Variants in SMYD3 observed in about 807,000 individuals in gnomAD.
The protein encoded by SMYD3 is histone-lysine N-methyltransferase SMYD3.
SMYD3 carries 36 observed loss-of-function variants against 57.7 expected under a neutral mutation model. That is an observed-to-expected ratio of 0.62 (90% CI 0.48 to 0.82). The LOEUF (loss-of-function observed/expected upper bound fraction) is 0.82. Ranked by LOEUF, SMYD3 falls within the 40% of genes least tolerant of loss-of-function variation. The probability of loss-of-function intolerance (pLI) is 0.00; values close to 1 mark genes in which losing one functional copy is unlikely to be tolerated. For missense variants in SMYD3, 515 were observed against 538.8 expected (o/e 0.96, Z 0.44); for synonymous variants, 211 against 195.0 (o/e 1.08, Z -0.68).
intron 5 of SMYD3, among the ~76,000 whole-genome samples, chr1:246,296,780 AT>A (rs1355523806): frequency 2.0e-5 from 3 of 152,230 alleles, no homozygotes; most frequent in Admixed American, 2.0e-4. Flanking sequence ...TTAATACAAT[AT>A]GATATTCCTA....
At chr1:246,232,278 T>C (rs993009712) in intron 5 of SMYD3, among the ~76,000 whole-genome samples, 1 of 152,200 alleles carries the variant, frequency 6.6e-6, no homozygotes, top group African/African-American at 2.4e-5. Context: ...CACTACATAA[T>C]ACTGTAACCA....
At chr1:246,206,897 A>C (rs2063009057) in intron 5 of SMYD3, among the ~76,000 whole-genome samples, 2 of 152,222 alleles carry the variant, frequency 1.3e-5, no homozygotes. Flanking sequence ...AAAAAGCTAA[A>C]TTCACAGAAA....
chr1:246,314,209 G>C (rs983264348), intron 5 of SMYD3, among the ~76,000 whole-genome samples: 1 of 152,154 alleles, frequency 6.6e-6, no homozygotes, highest in African/African-American at 2.4e-5. Flanking sequence ...GTTTTGCCTA[G>C]AGCAATACTT....
At chr1:246,026,144 C>T (rs35547829) in intron 5 of SMYD3, 9,361 of 148,958 alleles carry the variant, frequency 0.063, 334 homozygotes, top group African/African-American at 0.074. Context: ...AGACTTCATC[C>T]CCCACCCGCC....
chr1:246,064,295 T>G (rs1044052490), intron 5 of SMYD3, among the ~76,000 whole-genome samples: 1 of 152,222 alleles, frequency 6.6e-6, no homozygotes, highest in Non-Finnish European at 1.5e-5. Flanking sequence ...TTTTCTGATG[T>G]GCCCAAGTTT....
In SMYD3 at chr1:246,496,263, T is replaced by C. The variant is rs913479695; in HGVS notation, c.164+10791A>G. Among the ~76,000 whole-genome samples the C allele has an allele frequency of 1.4e-4, 21 of 152,082 alleles. 1 individual carries two copies. Among genetic ancestry groups the C allele is most frequent in the African/African-American group, 5.1e-4 (21 of 41,518 alleles). On this transcript the variant is annotated intron_variant, in intron 1 of 11. Coordinates refer to ENST00000490107, the MANE Select transcript of SMYD3 (RefSeq NM_001167740.2). ...GTTGGCCAGGATGGTCTCTATCTCTTGACCTCGTGATCTGCCCGTCTCAGC... is the reference window on the plus strand; with the variant it reads ...GTTGGCCAGGATGGTCTCTATCTCTCGACCTCGTGATCTGCCCGTCTCAGC...
At chr1:246,030,809 G>A (rs2059658142) in intron 5 of SMYD3, among the ~76,000 whole-genome samples, 1 of 152,154 alleles carries the variant, frequency 6.6e-6, no homozygotes, top group South Asian at 2.1e-4. Flanking sequence ...GCCCTAAAAA[G>A]CCTTATTAAG....
intron 5 of SMYD3, among the ~76,000 whole-genome samples, chr1:246,254,116 G>C (rs1226488137): frequency 1.3e-5 from 2 of 152,118 alleles, no homozygotes; most frequent in Non-Finnish European, 2.9e-5. Context: ...ACACTCTGTT[G>C]ATAGTTTCTT....
intron 11 of SMYD3, 24 bp from the exon 12 acceptor site, chr1:245,749,688 G>T: frequency 6.3e-7 from 1 of 1,591,902 alleles, no homozygotes; most frequent in East Asian, 2.2e-5. Flanking sequence ...ACGGAAGAGA[G>T]ATTAGACCCC....
chr1:245,906,286 C>A (rs979089144), intron 8 of SMYD3, among the ~76,000 whole-genome samples: 2 of 152,098 alleles, frequency 1.3e-5, no homozygotes, highest in Non-Finnish European at 2.9e-5. Flanking sequence ...AGAGCTCAAA[C>A]AAATCTATAG....
At chr1:245,774,812 T>C (rs183044519) in intron 10 of SMYD3, among the ~76,000 whole-genome samples, 2,495 of 152,146 alleles carry the variant, frequency 0.016, 28 homozygotes, top group Non-Finnish European at 0.024. Flanking sequence ...CTGATTCTCC[T>C]GCCTCAGCCT....
chr1:246,346,684 C>T (rs149173027), intron 2 of SMYD3, among the ~76,000 whole-genome samples: 257 of 152,214 alleles, frequency 1.7e-3, no homozygotes, highest in African/African-American at 5.9e-3. Context: ...ACTGCCCCCA[C>T]GATTCAATTA....
chr1:245,833,073 A>AAAAACAAAAAAAAAC lies in SMYD3; in HGVS notation c.1076+25422_1076+25423insGTTTTTTTTTGTTTT. ...GGAATATGTGACAAAAAAAAAAAAAAAACCTGCTTTTATAATGCTGATTCA... is the reference window on the plus strand; with the variant it reads ...GGAATATGTGACAAAAAAAAAAAAAAAAAACAAAAAAAAACAACCTGCTTTTATAATGCTGATTCA... On this transcript the variant is annotated intron_variant, in intron 10 of 11. Transcript: ENST00000490107. 3.1e-5 allele frequency among the ~76,000 whole-genome samples: 4 copies of AAAAACAAAAAAAAAC among 128,652 alleles called. 1 individual carries two copies. Among genetic ancestry groups the AAAAACAAAAAAAAAC allele is most frequent in the Admixed American group, 1.5e-4 (2 of 12,954 alleles). 84.4% of individuals were successfully genotyped at this position (128,652 alleles called of 152,430 possible). A position where few individuals can be genotyped will look rare whatever the true frequency, so the allele number is the denominator to read the frequency against.
At position 246,355,148 on chromosome 1, in the gene SMYD3, A is replaced by C; in HGVS notation, c.165-54T>G. 1 of 1,538,014 alleles carries C rather than the reference A, an allele frequency of 6.5e-7. No homozygotes were observed. Among genetic ancestry groups the C allele is most frequent in the East Asian group, 2.2e-5 (1 of 44,518 alleles). ...AAGAAATGAGTGGGAAACATAGTAC[A>C]TAGTTGAAGAAAGAAAACATAAGTC... On this transcript the variant is annotated intron_variant, in intron 1 of 11. Transcript: ENST00000490107. The surrounding 1 kb of genome is among the most constrained non-coding windows in gnomAD (Gnocchi z 5.0).
intron 10 of SMYD3, among the ~76,000 whole-genome samples, chr1:245,773,398 A>C (rs2046418050): frequency 6.6e-6 from 1 of 152,198 alleles, no homozygotes; most frequent in African/African-American, 2.4e-5. Flanking sequence ...TATATTTGTA[A>C]CTTTTATATT....
chr1:246,082,686 G>A (rs927989815), intron 5 of SMYD3, among the ~76,000 whole-genome samples: 2 of 152,146 alleles, frequency 1.3e-5, no homozygotes, highest in African/African-American at 4.8e-5. Flanking sequence ...ATGGTTTTGT[G>A]TGGGGAAAAG....
chr1:246,452,214 C>A (rs2067642680), intron 1 of SMYD3, among the ~76,000 whole-genome samples: 1 of 152,178 alleles, frequency 6.6e-6, no homozygotes, highest in South Asian at 2.1e-4. Context: ...ACTGTCAAAT[C>A]TCACTTGCGG....
chr1:246,085,282 C>G (rs1369362964), intron 5 of SMYD3, among the ~76,000 whole-genome samples: 1 of 152,156 alleles, frequency 6.6e-6, no homozygotes, highest in African/African-American at 2.4e-5. Context: ...TGTTTATCAT[C>G]TGACACATGG....
chr1:245,853,107 A>G (rs950584336), intron 10 of SMYD3, among the ~76,000 whole-genome samples: 1 of 152,260 alleles, frequency 6.6e-6, no homozygotes. Flanking sequence ...ATAATTCTCT[A>G]AATCTCATCA....
Sources: gnomAD v4.1 joint callset for allele counts (sites outside exome capture counted in the v4.1 genomes callset) on GRCh38, gnomAD v4.1.1 for gene constraint, Gnocchi (gnomAD v3.1) non-coding constraint, MANE v1.5 for transcripts, NCBI Gene and HGNC (gene_info 2026-07-23, HGNC 2026-07-21) for gene names.